Variants in RNF217 observed in about 807,000 individuals in gnomAD.
RNF217 encodes the protein E3 ubiquitin-protein ligase RNF217.
In RNF217, 31 loss-of-function variants were observed where a neutral mutation model predicts 57.8. That is an observed-to-expected ratio of 0.54 (90% CI 0.40 to 0.72). The LOEUF (loss-of-function observed/expected upper bound fraction) is 0.72, where lower values mean the gene tolerates loss of function less well. Ranked by LOEUF, RNF217 falls within the 30% of genes least tolerant of loss-of-function variation. The pLI is 0.00. For synonymous variants in RNF217, 313 were observed against 294.0 expected (o/e 1.06, Z -0.66); for missense variants, 696 against 708.3 (o/e 0.98, Z 0.20).
In RNF217 at chr6:125,067,311, G is replaced by A. The variant is rs750523695; in HGVS notation, c.1281+9205G>A. Among the ~76,000 whole-genome samples the A allele has an allele frequency of 4.7e-4, 71 of 152,206 alleles. 1 individual carries two copies. Among genetic ancestry groups the A allele is most frequent in the Admixed American group, 8.5e-4 (13 of 15,284 alleles). On this transcript the variant is annotated intron_variant, in intron 3 of 5. Coordinates refer to ENST00000521654, the MANE Select transcript of RNF217 (RefSeq NM_001286398.3). ...TGGGTTTTATCCTCCAGACTATAGG[G>A]GCCATTGAAAAATAAAAGCAGGAGA...
Position 124,962,624 on chromosome 6 carries a change from A to C in RNF217, c.80A>C (p.His27Pro), listed in dbSNP as rs1468697401. The C allele has an allele frequency of 2.1e-5, 28 of 1,318,962 alleles. No homozygotes were observed. The highest frequency in any genetic ancestry group is 2.4e-5 in the Non-Finnish European group (25 of 1,044,884). The allele number at this position is 1,318,962 out of a possible 1,614,324, so 81.7% of individuals were successfully genotyped here. A position where few individuals can be genotyped will look rare whatever the true frequency, so the allele number is the denominator to read the frequency against. The change falls in exon 1 of 6, where the codon CAC (histidine) becomes CCC (proline). Residue 27 changes from histidine (H) to proline (P), a missense_variant. His to Pro is a moderately conservative substitution (Grantham distance 77, BLOSUM62 -2). Coordinates refer to ENST00000521654, the MANE Select transcript of RNF217 (RefSeq NM_001286398.3). The surrounding 1 kb of genome is among the most constrained non-coding windows in gnomAD (Gnocchi z 4.6). ...SQTLASGTAG[H>P]PEPPRPQGDS... is the part of the protein sequence containing the mutation. The stretch of plus-strand genomic sequence containing the variant: ...ACCCTGGCCAGTGGCACTGCGGGCC[A>C]CCCTGAGCCCCCGAGGCCTCAGGGG...
chr6:125,082,767 T>A lies in RNF217; in HGVS notation c.1556-97T>A, dbSNP rs1380166731. 2.6e-6 allele frequency: 3 copies of A among 1,135,480 alleles called. No homozygotes were observed. The African/African-American group carries it at 4.7e-5, about 18-fold the overall frequency. The allele number at this position is 1,135,480 out of a possible 1,614,324, so 70.3% of individuals were successfully genotyped here. The stretch of plus-strand genomic sequence containing the variant: ...TAGCATAGATGTCTTCTTCTTTGTA[T>A]GTTCGTACACTGCAAATAAATAAAC... On this transcript the variant is annotated intron_variant, in intron 5 of 5. Transcript: ENST00000521654.
intron 1 of RNF217, among the ~76,000 whole-genome samples, chr6:124,989,319 T>C (rs1784469258): frequency 6.6e-6 from 1 of 152,228 alleles, no homozygotes; most frequent in Non-Finnish European, 1.5e-5. Context: ...AGCAAAATAA[T>C]CCACACTCCA....
chr6:125,035,641 T>C (rs1461670830), intron 1 of RNF217, among the ~76,000 whole-genome samples: 1 of 152,200 alleles, frequency 6.6e-6, no homozygotes, highest in Non-Finnish European at 1.5e-5. Flanking sequence ...TATTAATTGG[T>C]AAACAAAGAT....
intron 1 of RNF217, among the ~76,000 whole-genome samples, chr6:125,013,285 A>G (rs953626628): frequency 1.3e-5 from 2 of 151,970 alleles, no homozygotes; most frequent in Non-Finnish European, 2.9e-5. Flanking sequence ...CAGAAAAACA[A>G]AGCTAACATA....
chr6:124,994,263 A>G (rs1309756065), intron 1 of RNF217, among the ~76,000 whole-genome samples: 1 of 152,102 alleles, frequency 6.6e-6, no homozygotes, highest in Admixed American at 6.6e-5. Context: ...GTGACTTATG[A>G]ACTATTTTGT....
intron 4 of RNF217, among the ~76,000 whole-genome samples, chr6:125,077,450 T>C (rs998768772): frequency 2.6e-5 from 4 of 152,178 alleles, no homozygotes; most frequent in African/African-American, 9.7e-5. Context: ...GTGAAAATGC[T>C]TTTGTGGATT....
At chr6:125,003,493 A>T (rs1421363424) in intron 1 of RNF217, among the ~76,000 whole-genome samples, 1 of 152,222 alleles carries the variant, frequency 6.6e-6, no homozygotes, top group East Asian at 1.9e-4. Context: ...CATTATCATC[A>T]TCGTCATCCA....
chr6:125,080,438 T>C (rs544911327), intron 4 of RNF217, among the ~76,000 whole-genome samples: 3 of 152,250 alleles, frequency 2.0e-5, no homozygotes, highest in East Asian at 3.9e-4. Flanking sequence ...TATTAGTTTC[T>C]TTTTTAGTGT....
At chr6:124,970,312 A>G (rs2114987447) in intron 1 of RNF217, among the ~76,000 whole-genome samples, 1 of 152,358 alleles carries the variant, frequency 6.6e-6, no homozygotes, top group South Asian at 2.1e-4. Flanking sequence ...GAGACAATAC[A>G]GTTCAGACTA....
At chr6:125,017,309 G>T (rs1196536695) in intron 1 of RNF217, among the ~76,000 whole-genome samples, 1 of 151,992 alleles carries the variant, frequency 6.6e-6, no homozygotes, top group Non-Finnish European at 1.5e-5. Flanking sequence ...TTTTTCATTT[G>T]CCTTTTCACT....
chr6:125,082,798 C>T, intron 5 of RNF217, 66 bp from the exon 6 acceptor site: 1 of 1,260,582 alleles, frequency 7.9e-7, no homozygotes, highest in Non-Finnish European at 1.1e-6. Context: ...TAAACATAGA[C>T]ATTTTAAAAT....
chr6:125,036,043 G>T (rs550629209), intron 1 of RNF217, among the ~76,000 whole-genome samples: 4 of 151,834 alleles, frequency 2.6e-5, no homozygotes, highest in African/African-American at 7.3e-5. Flanking sequence ...CCCCGCATGC[G>T]ATAGTTATTT....
intron 3 of RNF217, among the ~76,000 whole-genome samples, chr6:125,075,368 A>T (rs1444269008): frequency 6.6e-6 from 1 of 152,176 alleles, no homozygotes; most frequent in African/African-American, 2.4e-5. Flanking sequence ...GAGACTGGGT[A>T]ATTTATAAAG....
At chr6:125,018,334 A>G (rs1785691157) in intron 1 of RNF217, among the ~76,000 whole-genome samples, 1 of 152,224 alleles carries the variant, frequency 6.6e-6, no homozygotes. Flanking sequence ...GGTATTGAGC[A>G]AGAAAACAGA....
chr6:125,025,308 C>T (rs560622441), intron 1 of RNF217, among the ~76,000 whole-genome samples: 1 of 152,108 alleles, frequency 6.6e-6, no homozygotes, highest in African/African-American at 2.4e-5. Flanking sequence ...TTTCATTTGG[C>T]TTGGCTGCAA....
rs983001549 is a variant in RNF217 at position 125,073,052 on chromosome 6, A to G, written c.1282-3605A>G. Among the ~76,000 whole-genome samples, 13 of 152,206 alleles carry G rather than the reference A, an allele frequency of 8.5e-5. 1 individual carries two copies. The highest frequency in any genetic ancestry group is 1.5e-4 in the Non-Finnish European group (10 of 68,034). Reference sequence around the variant, plus strand: ...CTTTCCTTGGTAGATCACCCACGACACTGCTATCAGTGTCAAATCAGGAAA... The same window carrying G: ...CTTTCCTTGGTAGATCACCCACGACGCTGCTATCAGTGTCAAATCAGGAAA... On this transcript the variant is annotated intron_variant, in intron 3 of 5. Coordinates refer to ENST00000521654, the MANE Select transcript of RNF217 (RefSeq NM_001286398.3).
chr6:124,985,290 T>C (rs1784331227), intron 1 of RNF217, among the ~76,000 whole-genome samples: 1 of 152,232 alleles, frequency 6.6e-6, no homozygotes, highest in Non-Finnish European at 1.5e-5. Flanking sequence ...AATTTCTGTT[T>C]TTCTCTTTTT....
intron 4 of RNF217, 69 bp from the exon 5 acceptor site, chr6:125,081,367 A>G: frequency 8.7e-7 from 1 of 1,148,356 alleles, no homozygotes; most frequent in Non-Finnish European, 1.3e-6. Flanking sequence ...GTATTTAAAA[A>G]GCATCACTGT....
Sources: allele counts gnomAD v4.1 joint callset (sites outside exome capture counted in the v4.1 genomes callset), GRCh38; gene constraint gnomAD v4.1.1; non-coding constraint Gnocchi (gnomAD v3.1); transcripts MANE v1.5; gene names NCBI Gene and HGNC (gene_info 2026-07-23, HGNC 2026-07-21).